The following ALDH3B1 variants were observed in gnomAD, a reference collection of about 807,000 sequenced individuals.
ALDH3B1 encodes aldehyde dehydrogenase family 3 member B1.
Under a neutral mutation model 46.2 loss-of-function variants are expected in ALDH3B1, and 37 were observed. The ratio of observed to expected loss-of-function variants is 0.80; its 90% CI spans 0.62 to 1.05. The LOEUF is 1.05. Ranked by LOEUF, ALDH3B1 falls within the 50% of genes least tolerant of loss-of-function variation. ALDH3B1 has a pLI of 0.00. For missense variants in ALDH3B1, 603 were observed against 665.5 expected, an observed-to-expected ratio of 0.91 and a Z score of 1.03; for synonymous variants, 283 against 281.0, an observed-to-expected ratio of 1.01 and a Z score of -0.07.
At chr11:68,010,758 G>A (rs1210149450) in intron 1 of ALDH3B1, among the ~76,000 whole-genome samples, 2 of 152,252 alleles carry the variant, frequency 1.3e-5, no homozygotes, top group Non-Finnish European at 2.9e-5. Flanking sequence ...CTTCCCCACA[G>A]GGGTCAAGTA....
chr11:68,009,165 T>A (rs1857183329), upstream of ALDH3B1, among the ~76,000 whole-genome samples: 1 of 152,184 alleles, frequency 6.6e-6, no homozygotes, highest in Non-Finnish European at 1.5e-5. Flanking sequence ...CATGTTCACA[T>A]CCCACCCCCT....
rs1163225891 is a variant in ALDH3B1, at chr11:68,013,847, G to A, written c.-1-1450G>A. Among the ~76,000 whole-genome samples, 3 of 152,332 alleles carry A rather than the reference G, an allele frequency of 2.0e-5. No individual in the cohort carries two copies. In the East Asian group the frequency reaches 5.8e-4, roughly 29 times the overall value. On this transcript the variant is annotated intron_variant, in intron 1 of 9. Coordinates refer to ENST00000342456, the MANE Select transcript of ALDH3B1 (RefSeq NM_000694.4). ...CTATGGGGACCATGGTGCCTGTCCT[G>A]TGTGCGGGCCACTGCCCAGCTTCTC...
intron 1 of ALDH3B1, among the ~76,000 whole-genome samples, chr11:68,011,894 G>C (rs1243306712): frequency 6.6e-6 from 1 of 152,214 alleles, no homozygotes; most frequent in African/African-American, 2.4e-5. Context: ...CCCGACAGTG[G>C]TATGGGTGCC....
In ALDH3B1 at chr11:68,028,255, T is replaced by C. The variant is rs1357169092; in HGVS notation, c.*316T>C. 5.8e-6 allele frequency: 3 copies of C among 518,556 alleles called. No homozygotes were observed. Among genetic ancestry groups the C allele is most frequent in the African/African-American group, 1.9e-5 (1 of 52,664 alleles). 32.1% of individuals were successfully genotyped at this position (518,556 alleles called of 1,614,324 possible). A position where few individuals can be genotyped will look rare whatever the true frequency, so the allele number is the denominator to read the frequency against. On this transcript the variant is annotated 3_prime_UTR_variant, in exon 10 of 10. Transcript: ENST00000342456. ...CGGCACCTCTGAGTCACCCCTCTCC[T>C]GTGGAGCGGGCGTCCGAGGGGCCCT...
chr11:68,026,221 C>T (rs2134401977), intron 9 of ALDH3B1, 113 bp downstream of exon 9: 2 of 927,662 alleles, frequency 2.2e-6, no homozygotes, highest in East Asian at 6.1e-5. Flanking sequence ...GAGGGACAGG[C>T]AAGGAGGCCT....
rs756661828 is a variant in ALDH3B1 at position 68,022,664 on chromosome 11, T to C, written c.1019T>C (p.Leu340Pro). ...CAGGAGGAGATCTTCGGGCCCATCC[T>C]GCCCATCGTGAACGTGCAGAGCTTG... is the stretch of plus-strand genomic sequence containing the variant. ...VMQEEIFGPI[L>P]PIVNVQSLDE... Residue 340 changes from leucine to proline, a missense_variant, in exon 8 of 10, where the codon CTG (leucine) becomes CCG (proline). Coordinates refer to ENST00000342456, the MANE Select transcript of ALDH3B1 (RefSeq NM_000694.4). 4.3e-6 allele frequency: 7 copies of C among 1,614,178 alleles called. No individual in the cohort carries two copies. Among genetic ancestry groups the C allele is most frequent in the Non-Finnish European group, 5.9e-6 (7 of 1,180,018 alleles).
Position 68,023,970 on chromosome 11 carries a change from TA to T in ALDH3B1, c.1116+1224del, listed in dbSNP as rs34271562. Among the ~76,000 whole-genome samples, 851 of 134,978 alleles carry T rather than the reference TA, an allele frequency of 6.3e-3. 5 individuals are homozygous for T. Among genetic ancestry groups the T allele is most frequent in the African/African-American group, 0.014 (498 of 35,816 alleles). The allele number at this position is 134,978 out of a possible 152,430, so 88.6% of individuals were successfully genotyped here. A position where few individuals can be genotyped will look rare whatever the true frequency, so the allele number is the denominator to read the frequency against. On this transcript the variant is annotated intron_variant, in intron 8 of 9. Coordinates refer to ENST00000342456, the MANE Select transcript of ALDH3B1 (RefSeq NM_000694.4). ...TGAGGTGGAAGGATCTCCTGACCCA[TA>T]AAAAAAAAAAAAAAGTGACAGCAGT...
intron 2 of ALDH3B1, chr11:68,017,095 G>A (rs924435010): frequency 3.3e-5 from 5 of 152,376 alleles, no homozygotes; most frequent in African/African-American, 9.6e-5. Flanking sequence ...GAGGCTCAGA[G>A]AGAGTGTGTT....
chr11:68,016,613 A>ACACCTGCCCCTGCCTCAGGACAC (rs1234054382), intron 2 of ALDH3B1: 1 of 152,382 alleles, frequency 6.6e-6, no homozygotes. Flanking sequence ...CTGCCTCAGG[A>ACACCTGCCCCTGCCTCAGGACAC]CACCTGCCCC....
At chr11:68,013,442 C>T (rs972544017) in intron 1 of ALDH3B1, among the ~76,000 whole-genome samples, 18 of 152,166 alleles carry the variant, frequency 1.2e-4, no homozygotes, top group African/African-American at 4.1e-4. Context: ...GAGGCACAGG[C>T]GTGGTTTGCC....
chr11:68,014,548 G>A (rs371429681), intron 1 of ALDH3B1, among the ~76,000 whole-genome samples: 2 of 152,264 alleles, frequency 1.3e-5, no homozygotes, highest in East Asian at 3.9e-4. Flanking sequence ...CACCAGCACG[G>A]AGGCAGGAAC....
At chr11:68,019,938 A>C (rs1426118748) in intron 6 of ALDH3B1, 142 bp downstream of exon 6, 21 of 861,146 alleles carry the variant, frequency 2.4e-5, no homozygotes, top group Non-Finnish European at 3.4e-5. Flanking sequence ...GCAGTCCTGG[A>C]CCCCCAGGAC....
At chr11:68,013,055 C>T (rs2134380044) in intron 1 of ALDH3B1, among the ~76,000 whole-genome samples, 1 of 152,228 alleles carries the variant, frequency 6.6e-6, no homozygotes, top group East Asian at 1.9e-4. Flanking sequence ...CAGCCCAGTG[C>T]CTGATTCAGG....
intron 6 of ALDH3B1, among the ~76,000 whole-genome samples, chr11:68,020,695 C>CGG (rs1565137063): frequency 4.3e-4 from 65 of 152,320 alleles, no homozygotes; most frequent in African/African-American, 1.5e-3. Context: ...GAAGGAACCA[C>CGG]AGAGCCCAGG....
At chr11:68,015,981 G>T (rs771359706) in intron 2 of ALDH3B1, 3 of 257,404 alleles carry the variant, frequency 1.2e-5, no homozygotes, top group Non-Finnish European at 2.3e-5. Context: ...CATGAGAATC[G>T]CTTGAACCTG....
At chr11:68,018,661 GCAGGGGGCT>G in intron 3 of ALDH3B1, 24 bp downstream of exon 3, 1 of 1,556,142 alleles carries the variant, frequency 6.4e-7, no homozygotes, top group Non-Finnish European at 8.7e-7. Flanking sequence ...GCTGAGGCGG[GCAGGGGGCT>G]CAGGGGATAT....
intron 1 of ALDH3B1, chr11:68,015,031 C>G: frequency 2.6e-6 from 1 of 381,876 alleles, no homozygotes; most frequent in South Asian, 9.4e-5. Context: ...GTCCTGCAGC[C>G]GCCTCCAGGT....
chr11:68,019,371 T>G, intron 5 of ALDH3B1, 116 bp downstream of exon 5: 6 of 903,144 alleles, frequency 6.6e-6, no homozygotes, highest in Non-Finnish European at 1.0e-5. Context: ...ATCCTGCCTC[T>G]TCTGAGTTGT....
chr11:68,018,327 G>A (rs1194468270), intron 2 of ALDH3B1, 200 bp from the exon 3 acceptor site: 3 of 580,764 alleles, frequency 5.2e-6, no homozygotes, highest in East Asian at 2.9e-5. Context: ...CTGCAAGGTC[G>A]GCCTCAGGGC....
Sources: gnomAD v4.1 joint callset for allele counts (sites outside exome capture counted in the v4.1 genomes callset) on GRCh38, gnomAD v4.1.1 for gene constraint, MANE v1.5 for transcripts, NCBI Gene and HGNC (gene_info 2026-07-23, HGNC 2026-07-21) for gene names.